The following LNPEP variants were observed in gnomAD, a reference collection of about 807,000 sequenced individuals.
LNPEP encodes the protein leucyl-cystinyl aminopeptidase.
LNPEP carries 64 observed loss-of-function variants against 120.6 expected under a neutral mutation model. The ratio of observed to expected loss-of-function variants is 0.53; its 90% CI spans 0.43 to 0.65. LNPEP has a LOEUF of 0.65. Ranked by LOEUF, LNPEP falls within the 30% of genes least tolerant of loss-of-function variation. The pLI is 0.00. For synonymous variants in LNPEP, 435 were observed against 425.4 expected (o/e 1.02, Z -0.28); for missense variants, 1,057 against 1,200.0 (o/e 0.88, Z 1.76).
At chr5:96,948,396 G>A (rs891980176) in intron 1 of LNPEP, among the ~76,000 whole-genome samples, 5 of 152,212 alleles carry the variant, frequency 3.3e-5, no homozygotes, top group African/African-American at 1.2e-4. Flanking sequence ...GGGATTACAG[G>A]CGTGAGCCAC....
At chr5:96,958,225 G>T (rs2351010) in intron 1 of LNPEP, among the ~76,000 whole-genome samples, 2 of 151,998 alleles carry the variant, frequency 1.3e-5, no homozygotes, top group Non-Finnish European at 2.9e-5. Context: ...CCTGTGAAGC[G>T]GTCCGAGTGC....
intron 1 of LNPEP, among the ~76,000 whole-genome samples, chr5:96,943,772 T>C (rs1789117235): frequency 6.6e-6 from 1 of 152,180 alleles, no homozygotes; most frequent in Non-Finnish European, 1.5e-5. Flanking sequence ...CAATGGAGGA[T>C]CAAGTTCAAT....
chr5:97,013,924 A>T lies in LNPEP; in HGVS notation c.2219+93A>T. On this transcript the variant is annotated intron_variant, in intron 12 of 17. Coordinates refer to ENST00000231368, the MANE Select transcript of LNPEP (RefSeq NM_005575.3). ...TGAAAAACAGTTTGAAAGAACTAGC[A>T]TGTATTGGTTGGTACAATACATTTT... The T allele has an allele frequency of 3.3e-6, 3 of 921,244 alleles. 1 individual carries two copies. The South Asian group carries it at 5.9e-5, about 18-fold the overall frequency. The allele number at this position is 921,244 out of a possible 1,614,324, so 57.1% of individuals were successfully genotyped here.
intron 1 of LNPEP, 187 bp downstream of exon 1, chr5:96,936,361 G>A (rs556031605): frequency 1.8e-4 from 79 of 434,616 alleles, no homozygotes; most frequent in African/African-American, 1.4e-3. Context: ...GCGGCGGCCA[G>A]TGCGGGACCC....
intron 1 of LNPEP, among the ~76,000 whole-genome samples, chr5:96,938,665 A>G (rs911095846): frequency 6.6e-6 from 1 of 152,096 alleles, no homozygotes; most frequent in Non-Finnish European, 1.5e-5. Context: ...GGTTCATTTG[A>G]TGAATATCCT....
intron 13 of LNPEP, among the ~76,000 whole-genome samples, chr5:97,021,553 TC>T (rs1791197100): frequency 6.6e-6 from 1 of 152,220 alleles, no homozygotes; most frequent in Non-Finnish European, 1.5e-5. Flanking sequence ...TATTTTTCTT[TC>T]ATTGCTTTAT....
intron 14 of LNPEP, among the ~76,000 whole-genome samples, chr5:97,024,155 G>A (rs888190388): frequency 2.0e-5 from 3 of 152,168 alleles, no homozygotes; most frequent in Non-Finnish European, 4.4e-5. Context: ...TACTGCTATA[G>A]TTCTACCATG....
intron 1 of LNPEP, among the ~76,000 whole-genome samples, chr5:96,954,772 ATTTTTTTTTT>A (rs1160402498): frequency 3.3e-4 from 9 of 27,108 alleles, no homozygotes; most frequent in African/African-American, 1.2e-3. Flanking sequence ...ATATATATAT[ATTTTTTTTTT>A]TTTTTTTTTT....
chr5:97,022,218 T>G, intron 13 of LNPEP, 82 bp from the exon 14 acceptor site: 2 of 864,626 alleles, frequency 2.3e-6, no homozygotes, highest in Non-Finnish European at 3.6e-6. Flanking sequence ...CACGAGACAC[T>G]GCACCTGGCT....
rs756333918 is a variant in LNPEP, at chr5:97,013,643, A to G, written c.2036-5A>G. On this transcript the variant is annotated splice_polypyrimidine_tract_variant and splice_region_variant and intron_variant, in intron 11 of 17. Coordinates refer to ENST00000231368, the MANE Select transcript of LNPEP (RefSeq NM_005575.3). The stretch of plus-strand genomic sequence containing the variant: ...TCAATCTCTCATTTTTTTGGTTTCC[A>G]TTAGGTGTCATCAATCTTACAGAAG... 5 of 1,491,676 alleles carry G rather than the reference A, an allele frequency of 3.4e-6. No individual in the cohort carries two copies. Among genetic ancestry groups the G allele is most frequent in the Non-Finnish European group, 4.5e-6 (5 of 1,116,036 alleles). The allele number at this position is 1,491,676 out of a possible 1,614,324, so 92.4% of individuals were successfully genotyped here.
intron 13 of LNPEP, among the ~76,000 whole-genome samples, chr5:97,016,096 T>C (rs555246381): frequency 8.3e-4 from 126 of 152,124 alleles, no homozygotes; most frequent in African/African-American, 2.9e-3. Flanking sequence ...TTGAAAAGCT[T>C]TTCTCCCCCA....
chr5:96,976,667 A>T (rs1384562900), intron 1 of LNPEP, among the ~76,000 whole-genome samples: 16 of 152,104 alleles, frequency 1.1e-4, no homozygotes, highest in Admixed American at 1.0e-3. Flanking sequence ...ACAGAACAAA[A>T]CACATGGGGC....
In LNPEP at chr5:97,034,247, C is replaced by G. The variant is rs1262306044; in HGVS notation, c.*5714C>G. On this transcript the variant is annotated 3_prime_UTR_variant, in exon 18 of 18. Coordinates refer to ENST00000231368, the MANE Select transcript of LNPEP (RefSeq NM_005575.3). ...ATATAAATGTTCTTGCTCCTTTTTC[C>G]TGTTACTTCATTGTGTGCCAAGGCC... is the stretch of plus-strand genomic sequence containing the variant. 5 of 151,808 alleles carry G rather than the reference C, an allele frequency of 3.3e-5. No homozygotes were observed. The highest frequency in any genetic ancestry group is 6.6e-5 in the Admixed American group (1 of 15,216). The allele number at this position is 151,808 out of a possible 1,614,324, so 9.4% of individuals were successfully genotyped here. A position where few individuals can be genotyped will look rare whatever the true frequency, so the allele number is the denominator to read the frequency against.
chr5:96,957,361 G>T (rs1394239755), intron 1 of LNPEP, among the ~76,000 whole-genome samples: 1 of 152,176 alleles, frequency 6.6e-6, no homozygotes, highest in African/African-American at 2.4e-5. Context: ...ATGGTAGGCA[G>T]AATAATGGTC....
chr5:96,955,575 A>G (rs1431626912), intron 1 of LNPEP, among the ~76,000 whole-genome samples: 1 of 152,230 alleles, frequency 6.6e-6, no homozygotes, highest in East Asian at 1.9e-4. Flanking sequence ...AGATTGTGCC[A>G]CTGCACTCCA....
At chr5:96,984,936 C>G (rs1790206230) in intron 2 of LNPEP, 144 bp from the exon 3 acceptor site, 1 of 774,702 alleles carries the variant, frequency 1.3e-6, no homozygotes, top group Non-Finnish European at 2.0e-6. Flanking sequence ...AGTTTCTGTT[C>G]ATTGTATAAA....
Position 96,979,375 on chromosome 5 carries a change from C to G in LNPEP, c.257C>G (p.Ser86Ter). 2 of 1,614,070 alleles carry G rather than the reference C, an allele frequency of 1.2e-6. No homozygotes were observed. The highest frequency in any genetic ancestry group is 1.7e-6 in the Non-Finnish European group (2 of 1,179,940). ...GGCATGTCCTTCATGAATAGAAGCT[C>G]AGGCCTTCGGAACAGTGCAACTGGT... is the stretch of plus-strand genomic sequence containing the variant. ...LLGMSFMNRS[S>*]GLRNSATGYR... Residue 86 changes from serine to a stop codon, truncating the protein, a stop_gained, in exon 2 of 18, where the codon TCA becomes TGA. Coordinates refer to ENST00000231368, the MANE Select transcript of LNPEP (RefSeq NM_005575.3). LOFTEE classifies it high-confidence loss of function.
At chr5:96,971,545 T>C (rs1181447447) in intron 1 of LNPEP, among the ~76,000 whole-genome samples, 2 of 152,078 alleles carry the variant, frequency 1.3e-5, no homozygotes, top group Non-Finnish European at 2.9e-5. Flanking sequence ...GACTGTCTGA[T>C]ACTGTCCCCC....
At chr5:97,015,772 G>C (rs1791052196) in intron 13 of LNPEP, among the ~76,000 whole-genome samples, 2 of 152,004 alleles carry the variant, frequency 1.3e-5, no homozygotes, top group Admixed American at 1.3e-4. Flanking sequence ...GATTTCCCAG[G>C]GACCCAGGCA....
Sources: allele counts gnomAD v4.1 joint callset (sites outside exome capture counted in the v4.1 genomes callset), GRCh38; gene constraint gnomAD v4.1.1; transcripts MANE v1.5; gene names NCBI Gene and HGNC (gene_info 2026-07-23, HGNC 2026-07-21).